The following SNX7 variants were observed in gnomAD, a reference collection of about 807,000 sequenced individuals.
SNX7 encodes the protein sorting nexin 7.
SNX7 carries 35 observed loss-of-function variants against 48.4 expected under a neutral mutation model. The ratio of observed to expected loss-of-function variants is 0.72; its 90% CI spans 0.55 to 0.96. The LOEUF (loss-of-function observed/expected upper bound fraction) is 0.96. SNX7 is among the 40% of genes least tolerant of loss of function. SNX7 has a pLI of 0.00. For missense variants in SNX7, 553 were observed against 548.9 expected, an observed-to-expected ratio of 1.01 and a Z score of -0.07; for synonymous variants, 190 against 190.2, an observed-to-expected ratio of 1.00 and a Z score of 0.01.
intron 1 of SNX7, among the ~76,000 whole-genome samples, chr1:98,678,590 C>G (rs1326532349): frequency 1.3e-5 from 2 of 152,120 alleles, no homozygotes; most frequent in Non-Finnish European, 2.9e-5. Context: ...ATATTATAAA[C>G]TTGAAACATC....
chr1:98,738,299 A>G lies in SNX7; in HGVS notation c.1188A>G (p.Ala396=), dbSNP rs746971907. Residue 396 remains alanine, a synonymous_variant, in exon 8 of 9, where the codon GCA becomes GCG. Transcript: ENST00000306121. Reference sequence around the variant, plus strand: ...AATGTGCTAATAATGCCCTGAAAGCAGATTGGGAGAGATGGAAACAAAATA... The same window carrying G: ...AATGTGCTAATAATGCCCTGAAAGCGGATTGGGAGAGATGGAAACAAAATA... ...KVECANNALK[A]DWERWKQNMQ... The G allele has an allele frequency of 3.7e-6, 6 of 1,613,530 alleles. No homozygotes were observed. The highest frequency in any genetic ancestry group is 5.1e-6 in the Non-Finnish European group (6 of 1,179,768).
At chr1:98,755,906 A>G (rs1449853893) in intron 8 of SNX7, among the ~76,000 whole-genome samples, 2 of 152,042 alleles carry the variant, frequency 1.3e-5, no homozygotes, top group Admixed American at 6.6e-5. Flanking sequence ...TGTGTTTAGC[A>G]TGTAGACATT....
chr1:98,756,066 A>T (rs932289258), intron 8 of SNX7, among the ~76,000 whole-genome samples: 1 of 151,976 alleles, frequency 6.6e-6, no homozygotes, highest in Non-Finnish European at 1.5e-5. Context: ...GTGGTGTATT[A>T]GATGTAACTC....
chr1:98,687,258 T>C (rs776059755), intron 2 of SNX7, among the ~76,000 whole-genome samples: 5 of 152,176 alleles, frequency 3.3e-5, no homozygotes, highest in Admixed American at 6.5e-5. Flanking sequence ...AGCTGGGATT[T>C]AAATCCAAAC....
intron 8 of SNX7, among the ~76,000 whole-genome samples, chr1:98,750,212 T>G (rs1472166682): frequency 6.6e-6 from 1 of 152,012 alleles, no homozygotes; most frequent in Non-Finnish European, 1.5e-5. Context: ...ATATAATAAT[T>G]CGAATGAAAG....
At position 98,666,067 on chromosome 1, in the gene SNX7, C is replaced by T. The variant is rs547525127; in HGVS notation, c.180+4156C>T. 4.3e-4 allele frequency among the ~76,000 whole-genome samples: 66 copies of T among 152,130 alleles called. No homozygotes were observed. The South Asian group carries it at 7.9e-3, about 18-fold the overall frequency. On this transcript the variant is annotated intron_variant, in intron 1 of 8. Transcript: ENST00000306121. The stretch of plus-strand genomic sequence containing the variant: ...AATAATTAGAAAAAGATTAGGAAGT[C>T]CTGCTTACTAATTTCTCACATATAT...
At chr1:98,715,578 A>C (rs1218427982) in intron 7 of SNX7, among the ~76,000 whole-genome samples, 1 of 152,174 alleles carries the variant, frequency 6.6e-6, no homozygotes, top group Admixed American at 6.5e-5. Context: ...ATTTTAAGAC[A>C]TGGGTTTTAT....
intron 1 of SNX7, 164 bp downstream of exon 1, chr1:98,662,075 T>C: frequency 1.5e-6 from 1 of 668,352 alleles, no homozygotes; most frequent in Non-Finnish European, 2.1e-6. Context: ...CTGCCAGCTC[T>C]GGCCGCACCC....
intron 8 of SNX7, among the ~76,000 whole-genome samples, chr1:98,749,958 A>ACT (rs1212273921): frequency 6.6e-6 from 1 of 152,050 alleles, no homozygotes; most frequent in Non-Finnish European, 1.5e-5. Context: ...TTGGTAGCTT[A>ACT]CTGAGAAAGA....
intron 7 of SNX7, among the ~76,000 whole-genome samples, chr1:98,708,358 A>C (rs184505933): frequency 6.6e-6 from 1 of 152,268 alleles, no homozygotes; most frequent in Non-Finnish European, 1.5e-5. Context: ...ACATTTCCTC[A>C]AAACTTGTTG....
chr1:98,695,092 A>T (rs908424190), intron 4 of SNX7, among the ~76,000 whole-genome samples: 4 of 152,206 alleles, frequency 2.6e-5, no homozygotes, highest in Non-Finnish European at 4.4e-5. Flanking sequence ...TAAAGAATTA[A>T]TGAAGTTTTC....
intron 7 of SNX7, among the ~76,000 whole-genome samples, chr1:98,722,939 C>T (rs1652963542): frequency 6.6e-6 from 1 of 152,194 alleles, no homozygotes; most frequent in Admixed American, 6.5e-5. Flanking sequence ...GGATTAATTA[C>T]TAACCTTTCA....
At chr1:98,679,980 T>G (rs555814780) in intron 1 of SNX7, among the ~76,000 whole-genome samples, 2 of 152,332 alleles carry the variant, frequency 1.3e-5, no homozygotes, top group East Asian at 3.9e-4. Context: ...GTAGGGACTC[T>G]GTGTGGGGGC....
intron 7 of SNX7, among the ~76,000 whole-genome samples, chr1:98,725,544 A>T (rs1653120615): frequency 6.6e-6 from 1 of 152,168 alleles, no homozygotes. Context: ...AAAAAAACTG[A>T]TCTCTAATAA....
intron 7 of SNX7, among the ~76,000 whole-genome samples, chr1:98,719,173 T>C (rs1483717043): frequency 6.6e-6 from 1 of 152,134 alleles, no homozygotes; most frequent in Non-Finnish European, 1.5e-5. Flanking sequence ...ATAATAATAG[T>C]ACCTAGCTCA....
chr1:98,738,457 T>G, intron 8 of SNX7, 68 bp downstream of exon 8: 1 of 1,474,474 alleles, frequency 6.8e-7, no homozygotes, highest in Non-Finnish European at 9.3e-7. Context: ...GTCCGTCCAA[T>G]GTTGAAAGAG....
intron 1 of SNX7, among the ~76,000 whole-genome samples, chr1:98,664,054 C>T (rs1649410275): frequency 6.6e-6 from 1 of 152,190 alleles, no homozygotes; most frequent in African/African-American, 2.4e-5. Flanking sequence ...CCTTCCTTGC[C>T]TGCTCCTCTA....
intron 1 of SNX7, among the ~76,000 whole-genome samples, chr1:98,669,460 A>T (rs1473659248): frequency 6.6e-6 from 1 of 152,186 alleles, no homozygotes; most frequent in Non-Finnish European, 1.5e-5. Flanking sequence ...ACCATTTGCC[A>T]TTCACAGCTG....
intron 1 of SNX7, among the ~76,000 whole-genome samples, chr1:98,675,546 G>C (rs368079029): frequency 1.3e-5 from 2 of 152,122 alleles, no homozygotes; most frequent in African/African-American, 2.4e-5. Flanking sequence ...CATTTCAAGC[G>C]GAAGAAATAG....
Sources: gnomAD v4.1 joint callset for allele counts (sites outside exome capture counted in the v4.1 genomes callset) on GRCh38, gnomAD v4.1.1 for gene constraint, MANE v1.5 for transcripts, NCBI Gene and HGNC (gene_info 2026-07-23, HGNC 2026-07-21) for gene names.